Variants in MCF2L observed in about 807,000 individuals in gnomAD.
MCF2L encodes MCF.2 cell line derived transforming sequence like.
Under a neutral mutation model 153.4 loss-of-function variants are expected in MCF2L, and 97 were observed. The ratio of observed to expected loss-of-function variants is 0.63; its 90% CI spans 0.54 to 0.75. The LOEUF is 0.75. MCF2L is among the 30% of genes least tolerant of loss of function. The pLI is 0.00. For missense variants in MCF2L, 1,347 were observed against 1,495.2 expected (o/e 0.90, Z 1.64); for synonymous variants, 659 against 632.2 (o/e 1.04, Z -0.64).
At chr13:113,038,421 C>T (rs895535401) in intron 3 of MCF2L, among the ~76,000 whole-genome samples, 6 of 148,776 alleles carry the variant, frequency 4.0e-5, no homozygotes, top group South Asian at 2.1e-4. Context: ...GCTGATATCG[C>T]GCCACTGCAC....
At chr13:113,076,198 C>G (rs370816339) in intron 12 of MCF2L, 41 bp downstream of exon 12, 2 of 1,485,392 alleles carry the variant, frequency 1.3e-6, no homozygotes, top group South Asian at 2.5e-5. Flanking sequence ...CTTGCTGTCC[C>G]GAGCAGTGAG....
At chr13:112,917,690 C>A (rs754543154) in intron 2 of MCF2L, among the ~76,000 whole-genome samples, 28 of 152,250 alleles carry the variant, frequency 1.8e-4, no homozygotes, top group Non-Finnish European at 3.4e-4. Context: ...TTCTTTCAGG[C>A]CCTCCTTGGT....
chr13:112,973,505 C>G (rs930626662), intron 1 of MCF2L, among the ~76,000 whole-genome samples: 1 of 152,192 alleles, frequency 6.6e-6, no homozygotes, highest in Non-Finnish European at 1.5e-5. Flanking sequence ...ACCGTGAGTC[C>G]TCTGAGCATC....
chr13:112,971,771 A>C (rs778098588), intron 1 of MCF2L, among the ~76,000 whole-genome samples: 2 of 152,226 alleles, frequency 1.3e-5, no homozygotes, highest in Non-Finnish European at 2.9e-5. Flanking sequence ...GGCCAGGGGC[A>C]CTTTCCAGTG....
Position 113,045,511 on chromosome 13 carries a change from C to T in MCF2L, c.369+150C>T, listed in dbSNP as rs2086758144. 2.9e-6 allele frequency: 2 copies of T among 686,240 alleles called. No individual in the cohort carries two copies. The highest frequency in any genetic ancestry group is 2.7e-5 in the East Asian group (1 of 36,468). 42.5% of individuals were successfully genotyped at this position (686,240 alleles called of 1,614,324 possible). A position where few individuals can be genotyped will look rare whatever the true frequency, so the allele number is the denominator to read the frequency against. On this transcript the variant is annotated intron_variant, in intron 4 of 29. Coordinates refer to ENST00000535094, the MANE Select transcript of MCF2L (RefSeq NM_001112732.3). This position sits in a 1 kb window ranked among gnomAD's most constrained non-coding sequence, Gnocchi z 4.2. ...GGCGGGTGGAGGCCGGCGCCAAGGC[C>T]CCCCCTGCTTGGGCTCCCAAGGCAC...
chr13:112,948,288 T>G (rs2081657721), intron 2 of MCF2L, among the ~76,000 whole-genome samples: 1 of 152,244 alleles, frequency 6.6e-6, no homozygotes. Flanking sequence ...CTAAATACTC[T>G]TTGTTGTTCT....
chr13:112,925,158 T>A (rs2081389962), intron 2 of MCF2L, among the ~76,000 whole-genome samples: 1 of 152,208 alleles, frequency 6.6e-6, no homozygotes, highest in Non-Finnish European at 1.5e-5. Context: ...GTTGGCATCA[T>A]GATTCAAGGG....
intron 27 of MCF2L, chr13:113,095,429 C>T (rs147939028): frequency 1.1e-5 from 12 of 1,074,820 alleles, no homozygotes; most frequent in East Asian, 9.1e-5. Context: ...GCGGAGGCCA[C>T]GTGGCAGGAG....
At chr13:112,905,914 G>A (rs1353148470) in intron 2 of MCF2L, among the ~76,000 whole-genome samples, 4 of 152,184 alleles carry the variant, frequency 2.6e-5, no homozygotes, top group Admixed American at 6.5e-5. Flanking sequence ...TGGAATTGCC[G>A]CATCATGCAA....
In MCF2L at chr13:113,046,149, T is replaced by C. The variant is rs1389397616; in HGVS notation, c.369+788T>C. 1 of 163,880 alleles carries C rather than the reference T, an allele frequency of 6.1e-6. No homozygotes were observed. The highest frequency in any genetic ancestry group is 1.3e-5 in the Non-Finnish European group (1 of 76,118). 10.2% of individuals were successfully genotyped at this position (163,880 alleles called of 1,614,324 possible). A position where few individuals can be genotyped will look rare whatever the true frequency, so the allele number is the denominator to read the frequency against. On this transcript the variant is annotated intron_variant, in intron 4 of 29. Coordinates refer to ENST00000535094, the MANE Select transcript of MCF2L (RefSeq NM_001112732.3). This position sits in a 1 kb window ranked among gnomAD's most constrained non-coding sequence, Gnocchi z 4.4. Reference sequence around the variant, plus strand: ...AGTCAGCAGAAGCCCCCAAATCTTATTTTTGTCGGTAGCTCCCACCCGTAT... The same window carrying C: ...AGTCAGCAGAAGCCCCCAAATCTTACTTTTGTCGGTAGCTCCCACCCGTAT...
intron 1 of MCF2L, among the ~76,000 whole-genome samples, chr13:113,005,444 C>T (rs748498907): frequency 6.6e-5 from 10 of 152,110 alleles, no homozygotes; most frequent in Admixed American, 4.6e-4. Flanking sequence ...ATGGACTATT[C>T]GTGGTGACTG....
intron 1 of MCF2L, among the ~76,000 whole-genome samples, chr13:112,992,046 A>G (rs2082915995): frequency 6.6e-6 from 1 of 152,224 alleles, no homozygotes; most frequent in African/African-American, 2.4e-5. Context: ...GAGCTCTGAC[A>G]TGACATCACA....
In MCF2L at chr13:113,084,975, GT is replaced by G; in HGVS notation, c.2150del (p.Phe717SerfsTer12). On this transcript the variant is annotated frameshift_variant, in exon 19 of 30. Coordinates refer to ENST00000535094, the MANE Select transcript of MCF2L (RefSeq NM_001112732.3). LOFTEE classifies it high-confidence loss of function. ...TGTGGAGACAGTGCTCCGACTGCCC[GT>G]TTTTCCAGGTTTGTCCCCGGACCTT... is the stretch of plus-strand genomic sequence containing the variant. ...SLWRQCSDCP[F>X]FQECQRKLDH... is the part of the protein sequence containing the mutation. 10 of 1,613,946 alleles carry G rather than the reference GT, an allele frequency of 6.2e-6. No homozygotes were observed. The highest frequency in any genetic ancestry group is 8.5e-6 in the Non-Finnish European group (10 of 1,179,950).
chr13:112,902,990 G>C (rs1319323861), intron 2 of MCF2L, among the ~76,000 whole-genome samples: 1 of 152,208 alleles, frequency 6.6e-6, no homozygotes, highest in Non-Finnish European at 1.5e-5. Flanking sequence ...TCTAACCTGA[G>C]CAAGGGGCTG....
chr13:112,926,546 G>C (rs1460872572), intron 2 of MCF2L, among the ~76,000 whole-genome samples: 1 of 152,324 alleles, frequency 6.6e-6, no homozygotes, highest in East Asian at 1.9e-4. Context: ...CATGCACAGG[G>C]GGGTGCTGTG....
chr13:112,913,985 A>G (rs1248104010), intron 2 of MCF2L, among the ~76,000 whole-genome samples: 1 of 152,060 alleles, frequency 6.6e-6, no homozygotes, highest in Admixed American at 6.5e-5. Context: ...CAGACTCCTT[A>G]GCGTTGCGTT....
intron 2 of MCF2L, among the ~76,000 whole-genome samples, chr13:112,903,880 A>G (rs1196305095): frequency 6.6e-6 from 1 of 152,182 alleles, no homozygotes; most frequent in Non-Finnish European, 1.5e-5. Flanking sequence ...CGGGGCTGTC[A>G]GGACAGTGCT....
At chr13:113,023,708 C>A (rs575478976) in intron 2 of MCF2L, among the ~76,000 whole-genome samples, 1 of 152,330 alleles carries the variant, frequency 6.6e-6, no homozygotes, top group Admixed American at 6.5e-5. Flanking sequence ...CAAAAGGGCT[C>A]AGCCAGGTGG....
chr13:112,956,276 A>G (rs1234643722), intron 2 of MCF2L: 2 of 152,270 alleles, frequency 1.3e-5, no homozygotes, highest in African/African-American at 4.8e-5. Flanking sequence ...CCAGGTTAAA[A>G]AAAGAAAATG....
Sources: gnomAD v4.1 joint callset for allele counts (sites outside exome capture counted in the v4.1 genomes callset) on GRCh38, gnomAD v4.1.1 for gene constraint, Gnocchi (gnomAD v3.1) non-coding constraint, MANE v1.5 for transcripts, NCBI Gene and HGNC (gene_info 2026-07-23, HGNC 2026-07-21) for gene names.